SLC28A3: variants seen among roughly 807,000 people sequenced by gnomAD.
SLC28A3 encodes the protein concentrative Na(+)-nucleoside cotransporter 3.
SLC28A3 carries 68 observed loss-of-function variants against 84.2 expected under a neutral mutation model. That is an observed-to-expected ratio of 0.81 (90% CI 0.66 to 0.99). The LOEUF (loss-of-function observed/expected upper bound fraction) is 0.99, where lower values mean the gene tolerates loss of function less well. Among genes scored for constraint, SLC28A3 ranks in the 50% least tolerant of loss-of-function variants. The pLI, the probability that SLC28A3 is intolerant of heterozygous loss-of-function variation, is 0.00. For synonymous variants in SLC28A3, 267 were observed against 303.6 expected, an observed-to-expected ratio of 0.88 and a Z score of 1.25; for missense variants, 712 against 841.5, an observed-to-expected ratio of 0.85 and a Z score of 1.90.
In SLC28A3 at chr9:84,285,389, C is replaced by T; in HGVS notation, c.1603G>A (p.Glu535Lys). 3 of 1,614,062 alleles carry T rather than the reference C, an allele frequency of 1.9e-6. No individual in the cohort carries two copies. The highest frequency in any genetic ancestry group is 2.5e-6 in the Non-Finnish European group (3 of 1,179,940). The change falls in exon 14 of 18, where the codon GAA (glutamate) becomes AAA (lysine). Residue 535 changes from glutamate to lysine, a missense_variant. Physicochemically the swap from Glu to Lys is moderately conservative, Grantham distance 56. Coordinates refer to ENST00000376238, the MANE Select transcript of SLC28A3 (RefSeq NM_001199633.2). Reference protein sequence around the residue: ...HLSKWIHLRKEGGPKFVNGVQ... With the variant: ...HLSKWIHLRKKGGPKFVNGVQ... ...CCGTTTACAAATTTGGGTCCACCTT[C>T]TTTCCTCAAGTGGATCCATTTTGAG...
In SLC28A3 at chr9:84,339,039, GC is replaced by G. The variant is rs1419071294; in HGVS notation, c.60+1534del. On this transcript the variant is annotated intron_variant, in intron 1 of 17. Coordinates refer to ENST00000376238, the MANE Select transcript of SLC28A3 (RefSeq NM_001199633.2). ...ACAGAGATGCCGCTGAGATAAATCT[GC>G]ATGAACAAACCTCGATAAATTAACC... Among the ~76,000 whole-genome samples, 4 of 152,098 alleles carry G rather than the reference GC, an allele frequency of 2.6e-5. No homozygotes were observed. The East Asian group carries it at 7.7e-4, about 29-fold the overall frequency.
chr9:84,310,577 C>G (rs1010388398), intron 2 of SLC28A3: 1 of 985,244 alleles, frequency 1.0e-6, no homozygotes. Context: ...TCCAATGTGG[C>G]CTTTGATTCT....
the SLC28A3 span, among the ~76,000 whole-genome samples, chr9:84,359,675 C>T: frequency 6.6e-6 from 1 of 152,014 alleles, no homozygotes; most frequent in African/African-American, 2.4e-5. Context: ...AGGTAGGAGC[C>T]TAAGAAAAGA....
chr9:84,338,306 T>C (rs1318683524), intron 1 of SLC28A3, among the ~76,000 whole-genome samples: 1 of 152,212 alleles, frequency 6.6e-6, no homozygotes, highest in Admixed American at 6.5e-5. Flanking sequence ...TAGCACATAT[T>C]TTACAATCAA....
At chr9:84,285,586 C>T (rs1404472581) in intron 13 of SLC28A3, 44 bp from the exon 14 acceptor site, 2 of 1,608,916 alleles carry the variant, frequency 1.2e-6, no homozygotes, top group Admixed American at 3.3e-5. Context: ...TAGTGATTTG[C>T]TTTCAGTTTT....
intron 5 of SLC28A3, among the ~76,000 whole-genome samples, chr9:84,300,749 C>G (rs1187623033): frequency 6.6e-6 from 1 of 152,092 alleles, no homozygotes; most frequent in African/African-American, 2.4e-5. Context: ...ACACAGGGTC[C>G]TATGGGAAAG....
chr9:84,292,773 C>A, intron 9 of SLC28A3, 25 bp from the exon 10 acceptor site: 2 of 1,511,406 alleles, frequency 1.3e-6, no homozygotes, highest in South Asian at 1.3e-5. Context: ...GGGACAAAGT[C>A]AGCAAAGAAC....
At chr9:84,335,876 C>CCT (rs1826957621) in intron 1 of SLC28A3, among the ~76,000 whole-genome samples, 1 of 151,838 alleles carries the variant, frequency 6.6e-6, no homozygotes, top group Non-Finnish European at 1.5e-5. Flanking sequence ...GCATTTAGGC[C>CCT]CTCATCTTTA....
the SLC28A3 span, among the ~76,000 whole-genome samples, chr9:84,366,236 A>G: frequency 6.6e-6 from 1 of 152,128 alleles, no homozygotes; most frequent in South Asian, 2.1e-4. Flanking sequence ...ATTTCTGCTT[A>G]TTTTAAACTA....
the SLC28A3 span, among the ~76,000 whole-genome samples, chr9:84,367,852 C>T: frequency 5.1e-4 from 78 of 152,310 alleles, no homozygotes; most frequent in South Asian, 0.012. Context: ...CAGCATATCT[C>T]GCCTCCAGCC....
chr9:84,335,707 A>C (rs1183490040), intron 1 of SLC28A3, among the ~76,000 whole-genome samples: 1 of 128,626 alleles, frequency 7.8e-6, no homozygotes. Flanking sequence ...ACAAGTATGT[A>C]TATACGTGTG....
chr9:84,283,320 C>T (rs1255554188), intron 14 of SLC28A3, among the ~76,000 whole-genome samples: 1 of 152,240 alleles, frequency 6.6e-6, no homozygotes, highest in Non-Finnish European at 1.5e-5. Flanking sequence ...GGCAAAGATG[C>T]CATACGTACA....
intron 1 of SLC28A3, among the ~76,000 whole-genome samples, chr9:84,319,405 C>A (rs1826286397): frequency 6.6e-6 from 1 of 152,158 alleles, no homozygotes; most frequent in Non-Finnish European, 1.5e-5. Context: ...TGGCTCACAC[C>A]TGTAATCCCA....
intron 1 of SLC28A3, among the ~76,000 whole-genome samples, chr9:84,326,844 A>C (rs1327048121): frequency 6.6e-6 from 1 of 152,068 alleles, no homozygotes; most frequent in Non-Finnish European, 1.5e-5. Flanking sequence ...CATCTCAACT[A>C]AAAATACCAA....
At position 84,280,001 on chromosome 9, in the gene SLC28A3, G is replaced by C. The variant is rs142877411; in HGVS notation, c.1802C>G (p.Ala601Gly). ...TGCGATGCAGGCTGTCATGAAGCAG[G>C]CCACGGTCCCCGCAATCAGAGCTCT... ...AVRALIAGTVACFMTACIAGI... is the reference protein window; with the variant it reads ...AVRALIAGTVGCFMTACIAGI... Residue 601 changes from alanine (A) to glycine (G), a missense_variant, in exon 16 of 18, where the codon GCC (alanine) becomes GGC (glycine). Coordinates refer to ENST00000376238, the MANE Select transcript of SLC28A3 (RefSeq NM_001199633.2). The C allele has an allele frequency of 1.3e-5, 21 of 1,613,844 alleles. No individual in the cohort carries two copies. In the African/African-American group the frequency reaches 2.5e-4, roughly 19 times the overall value.
chr9:84,288,613 T>C (rs1825090988), intron 11 of SLC28A3, among the ~76,000 whole-genome samples: 1 of 152,098 alleles, frequency 6.6e-6, no homozygotes, highest in African/African-American at 2.4e-5. Flanking sequence ...TGGTGCGATC[T>C]TGGCTCCCTG....
At chr9:84,318,783 C>T (rs7038265) in intron 1 of SLC28A3, among the ~76,000 whole-genome samples, 15,563 of 151,780 alleles carry the variant, frequency 0.1, 1,062 homozygotes, top group East Asian at 0.36. Context: ...ACAGGAGAAT[C>T]TCTTGAATCT....
chr9:84,365,408 T>C, the SLC28A3 span, among the ~76,000 whole-genome samples: 1 of 152,234 alleles, frequency 6.6e-6, no homozygotes, highest in African/African-American at 2.4e-5. Flanking sequence ...GAGCTCCTTA[T>C]ATATGCTGAT....
At chr9:84,364,884 G>A in the SLC28A3 span, among the ~76,000 whole-genome samples, 2 of 152,154 alleles carry the variant, frequency 1.3e-5, no homozygotes, top group Non-Finnish European at 2.9e-5. Context: ...GTATTCCATT[G>A]TGTATATGAA....
Sources: allele counts gnomAD v4.1 joint callset (sites outside exome capture counted in the v4.1 genomes callset), GRCh38; gene constraint gnomAD v4.1.1; transcripts MANE v1.5; gene names NCBI Gene and HGNC (gene_info 2026-07-23, HGNC 2026-07-21).